The following ANOS1 variants were observed in gnomAD, a reference collection of about 807,000 sequenced individuals.
ANOS1 encodes anosmin-1.
In ANOS1, 6 loss-of-function variants were observed where a neutral mutation model predicts 59.0. That is an observed-to-expected ratio of 0.10 (90% CI 0.06 to 0.20). The LOEUF (loss-of-function observed/expected upper bound fraction) is 0.20. ANOS1 is among the 10% of genes least tolerant of loss of function. The pLI, the probability that ANOS1 is intolerant of heterozygous loss-of-function variation, is 1.00. For synonymous variants in ANOS1, 217 were observed against 223.4 expected (o/e 0.97, Z 0.25); for missense variants, 433 against 542.3 (o/e 0.80, Z 2.00).
intron 4 of ANOS1, among the ~76,000 whole-genome samples, chrX:8,593,241 T>C (rs1008710212): frequency 9.0e-6 from 1 of 110,758 alleles, no homozygotes; most frequent in African/African-American, 3.3e-5. Context: ...ATGTGGGGGG[T>C]TAGTGTCACA....
At chrX:8,551,251 C>A (rs1306445667) in intron 9 of ANOS1, among the ~76,000 whole-genome samples, 1 of 112,185 alleles carries the variant, frequency 8.9e-6, no homozygotes, top group Non-Finnish European at 1.9e-5. Flanking sequence ...AGGAGAATAT[C>A]TTTGTGACCT....
In ANOS1 at chrX:8,587,897, A is replaced by G; in HGVS notation, c.623T>C (p.Phe208Ser). Residue 208 changes from phenylalanine (F) to serine (S), a missense_variant, in exon 5 of 14, where the codon TTC becomes TCC. Coordinates refer to ENST00000262648, the MANE Select transcript of ANOS1 (RefSeq NM_000216.4). ...GQLEVKWSSK[F>S]NISIEPVIYV... ...GATCACAGGCTCAATAGAAATATTG[A>G]ATTTCGAGGACCACTTAACCTCCAG... 1 of 1,207,226 alleles carries G rather than the reference A, an allele frequency of 8.3e-7. No individual in the cohort carries two copies. Among genetic ancestry groups the G allele is most frequent in the Non-Finnish European group, 1.1e-6 (1 of 892,128 alleles).
chrX:8,534,666 A>G lies in ANOS1; in HGVS notation c.1843-206T>C, dbSNP rs111706504. 0.01 allele frequency among the ~76,000 whole-genome samples: 1,161 copies of G among 111,427 alleles called. 13 individuals are homozygous for G. Among genetic ancestry groups the G allele is most frequent in the African/African-American group, 0.036 (1,106 of 30,580 alleles). On this transcript the variant is annotated intron_variant, in intron 12 of 13. Transcript: ENST00000262648. ...CATATGGTTTCTTAGCACCTCACTCAATTCTTGGCAGCCTAAGACACTTGG... is the reference window on the plus strand; with the variant it reads ...CATATGGTTTCTTAGCACCTCACTCGATTCTTGGCAGCCTAAGACACTTGG...
Position 8,532,861 on chromosome X carries a change from T to C in ANOS1, c.*134A>G, listed in dbSNP as rs762587328. 2.7e-4 allele frequency: 131 copies of C among 482,670 alleles called. No individual in the cohort carries two copies. The highest frequency in any genetic ancestry group is 6.0e-5 in the Non-Finnish European group (16 of 265,991). 39.8% of individuals were successfully genotyped at this position (482,670 alleles called of 1,213,427 possible). On this transcript the variant is annotated 3_prime_UTR_variant, in exon 14 of 14. Transcript: ENST00000262648. Reference sequence around the variant, plus strand: ...TGCGTCCATGATTGACAGAAGTTCTTCCTGCACTAAAGTCACATAGGAGAG... The same window carrying C: ...TGCGTCCATGATTGACAGAAGTTCTCCCTGCACTAAAGTCACATAGGAGAG...
At chrX:8,553,689 G>A (rs975353898) in intron 9 of ANOS1, among the ~76,000 whole-genome samples, 8 of 111,320 alleles carry the variant, frequency 7.2e-5, no homozygotes, top group South Asian at 3.7e-4. Context: ...TGAATATTTT[G>A]AGTGTTTTGG....
intron 3 of ANOS1, among the ~76,000 whole-genome samples, chrX:8,611,318 GA>G (rs143887939): frequency 7.0e-5 from 7 of 100,223 alleles, no homozygotes; most frequent in Admixed American, 1.1e-4. Flanking sequence ...TGACCAAAAG[GA>G]AAAAAAAAAG....
intron 8 of ANOS1, among the ~76,000 whole-genome samples, chrX:8,554,599 C>T (rs190848329): frequency 2.3e-5 from 2 of 87,872 alleles, no homozygotes; most frequent in African/African-American, 8.8e-5. Flanking sequence ...GATGGAGTCT[C>T]GCTCTGTCGC....
intron 6 of ANOS1, among the ~76,000 whole-genome samples, chrX:8,581,797 G>T (rs749482572): frequency 8.9e-6 from 1 of 111,837 alleles, no homozygotes; most frequent in Non-Finnish European, 1.9e-5. Flanking sequence ...CCATAAAATT[G>T]TCTCATCTTA....
chrX:8,640,618 G>C (rs929841724), intron 2 of ANOS1, among the ~76,000 whole-genome samples: 1 of 106,958 alleles, frequency 9.3e-6, no homozygotes, highest in African/African-American at 3.4e-5. Flanking sequence ...CTGTTGGAAA[G>C]GTCGCATTTC....
At chrX:8,609,136 T>C (rs1273386823) in intron 3 of ANOS1, among the ~76,000 whole-genome samples, 1 of 112,031 alleles carries the variant, frequency 8.9e-6, no homozygotes, top group Non-Finnish European at 1.9e-5. Flanking sequence ...TGGAAGGTGC[T>C]ATTGGCATCT....
intron 9 of ANOS1, among the ~76,000 whole-genome samples, chrX:8,543,474 A>G (rs1929718926): frequency 9.0e-6 from 1 of 111,320 alleles, no homozygotes; most frequent in Non-Finnish European, 1.9e-5. Flanking sequence ...TACAAACATC[A>G]TGTCCTTAGC....
intron 2 of ANOS1, among the ~76,000 whole-genome samples, chrX:8,676,010 C>A (rs1932332663): frequency 9.1e-6 from 1 of 110,420 alleles, no homozygotes. Context: ...CTTCCAGCTC[C>A]ATTCATGTCC....
intron 1 of ANOS1, among the ~76,000 whole-genome samples, chrX:8,718,457 T>A (rs748963257): frequency 1.8e-5 from 2 of 112,457 alleles, no homozygotes; most frequent in South Asian, 7.4e-4. Context: ...CTAGGTGACG[T>A]CTTTGTCCCT....
In ANOS1 at chrX:8,621,361, AG is replaced by A. The variant is rs1324803608; in HGVS notation, c.318+2246del. On this transcript the variant is annotated intron_variant, in intron 3 of 13. Coordinates refer to ENST00000262648, the MANE Select transcript of ANOS1 (RefSeq NM_000216.4). Reference sequence around the variant, plus strand: ...AGCATGGGAAACCGAAAAAAAAAAAAGATTCTATAAATATTTATTTTTGTGC... The same window carrying A: ...AGCATGGGAAACCGAAAAAAAAAAAAATTCTATAAATATTTATTTTTGTGC... Among the ~76,000 whole-genome samples the A allele has an allele frequency of 1.2e-3, 136 of 109,993 alleles. 1 individual carries two copies. The highest frequency in any genetic ancestry group is 3.6e-3 in the Admixed American group (37 of 10,301).
intron 1 of ANOS1, among the ~76,000 whole-genome samples, chrX:8,728,037 C>CT (rs1379625173): frequency 8.9e-6 from 1 of 112,313 alleles, no homozygotes. Context: ...TTAACAAACA[C>CT]TTTTTTTCTT....
chrX:8,644,615 A>C (rs985971181), intron 2 of ANOS1, among the ~76,000 whole-genome samples: 2 of 112,273 alleles, frequency 1.8e-5, no homozygotes, highest in Non-Finnish European at 3.8e-5. Context: ...TTTCCAGAGA[A>C]TCTGACACCT....
intron 8 of ANOS1, among the ~76,000 whole-genome samples, chrX:8,558,172 G>C (rs1420891373): frequency 9.1e-6 from 1 of 109,873 alleles, no homozygotes; most frequent in South Asian, 4.0e-4. Flanking sequence ...GGGCCTGTTG[G>C]GGGTGGGGGG....
chrX:8,596,842 A>G (rs186735066), intron 4 of ANOS1, among the ~76,000 whole-genome samples, 192 bp downstream of exon 4: 89 of 112,143 alleles, frequency 7.9e-4, no homozygotes, highest in African/African-American at 2.9e-3. Context: ...GCTCTGCCCC[A>G]TGTCGAGTTA....
intron 2 of ANOS1, among the ~76,000 whole-genome samples, chrX:8,671,356 C>T (rs1309689819): frequency 1.8e-5 from 2 of 111,080 alleles, no homozygotes; most frequent in African/African-American, 6.5e-5. Context: ...TTCATATCTC[C>T]TATCTTTCTT....
Sources: allele counts gnomAD v4.1 joint callset (sites outside exome capture counted in the v4.1 genomes callset), GRCh38; gene constraint gnomAD v4.1.1; transcripts MANE v1.5; gene names NCBI Gene and HGNC (gene_info 2026-07-23, HGNC 2026-07-21).